ABLIM2: variants seen among roughly 807,000 people sequenced by gnomAD.
ABLIM2 encodes actin-binding LIM protein 2.
ABLIM2 carries 53 observed loss-of-function variants against 97.7 expected under a neutral mutation model. The ratio of observed to expected loss-of-function variants is 0.54; its 90% CI spans 0.44 to 0.68. ABLIM2 has a LOEUF of 0.68. ABLIM2 is among the 30% of genes least tolerant of loss of function. ABLIM2 has a pLI of 0.00. For missense variants in ABLIM2, 835 were observed against 867.2 expected, an observed-to-expected ratio of 0.96 and a Z score of 0.47; for synonymous variants, 361 against 345.8, an observed-to-expected ratio of 1.04 and a Z score of -0.49.
chr4:8,138,935 G>A (rs186058768), intron 1 of ABLIM2, among the ~76,000 whole-genome samples: 19 of 152,314 alleles, frequency 1.2e-4, no homozygotes, highest in Admixed American at 7.2e-4. Context: ...AGTGGCTCAC[G>A]CCTGTAATCC....
chr4:8,072,410 G>A lies in ABLIM2; in HGVS notation c.675+5218C>T, dbSNP rs1046527374. On this transcript the variant is annotated intron_variant, in intron 6 of 20. Coordinates refer to ENST00000447017, the MANE Select transcript of ABLIM2 (RefSeq NM_001130083.2). The surrounding 1 kb of genome is among the most constrained non-coding windows in gnomAD (Gnocchi z 5.8). ...CCCAGTTTGGGTGGGGTCTGCCCCC[G>A]ACCCCAGGCCAGGGCCTCTCTGGTG... 6.6e-5 allele frequency among the ~76,000 whole-genome samples: 10 copies of A among 152,192 alleles called. No individual in the cohort carries two copies. The highest frequency in any genetic ancestry group is 2.1e-4 in the South Asian group (1 of 4,834).
Position 8,091,593 on chromosome 4 carries a change from T to TA in ABLIM2, c.339-3310dup, listed in dbSNP as rs1480589331. 3.6e-4 allele frequency among the ~76,000 whole-genome samples: 14 copies of TA among 38,948 alleles called. 2 individuals carry two copies. In the East Asian group the frequency reaches 8.2e-3, roughly 23 times the overall value. 25.6% of individuals were successfully genotyped at this position (38,948 alleles called of 152,430 possible). On this transcript the variant is annotated intron_variant, in intron 3 of 20. Transcript: ENST00000447017. The stretch of plus-strand genomic sequence containing the variant: ...ATATAATTTTATATAAAATTATATA[T>TA]ATAATTATATATATTATGTATAATT...
chr4:8,051,168 C>A (rs548131085), intron 8 of ABLIM2, among the ~76,000 whole-genome samples: 2 of 152,250 alleles, frequency 1.3e-5, no homozygotes, highest in Admixed American at 6.5e-5. Flanking sequence ...AGCCACCCCC[C>A]ACCCCGCCCT....
At chr4:8,048,627 G>T (rs1432726494) in intron 8 of ABLIM2, among the ~76,000 whole-genome samples, 1 of 152,188 alleles carries the variant, frequency 6.6e-6, no homozygotes, top group Non-Finnish European at 1.5e-5. Flanking sequence ...CTCCCATTCA[G>T]CCGGAACGGC....
intron 16 of ABLIM2, among the ~76,000 whole-genome samples, chr4:7,997,913 C>G (rs1219168316): frequency 2.0e-5 from 3 of 150,800 alleles, no homozygotes; most frequent in Admixed American, 1.3e-4. Flanking sequence ...TGGAGTTTCA[C>G]TCTTGTTGCC....
Position 8,054,054 on chromosome 4 carries a change from C to A in ABLIM2, c.822+134G>T. The stretch of plus-strand genomic sequence containing the variant: ...TGTTTACCCTCCCCACCTCCTAAGC[C>A]TGGCTGCCCCCATCCTGCAGCCCGT... On this transcript the variant is annotated intron_variant, in intron 8 of 20. Transcript: ENST00000447017. This position sits in a 1 kb window ranked among gnomAD's most constrained non-coding sequence, Gnocchi z 4.9. The A allele has an allele frequency of 5.3e-6, 5 of 950,808 alleles. No individual in the cohort carries two copies. The highest frequency in any genetic ancestry group is 6.6e-6 in the Non-Finnish European group (4 of 602,306). 58.9% of individuals were successfully genotyped at this position (950,808 alleles called of 1,614,324 possible). A position where few individuals can be genotyped will look rare whatever the true frequency, so the allele number is the denominator to read the frequency against.
At chr4:8,009,275 AG>A (rs1186990242) in intron 14 of ABLIM2, among the ~76,000 whole-genome samples, 173 bp from the exon 15 acceptor site, 11 of 152,254 alleles carry the variant, frequency 7.2e-5, no homozygotes, top group African/African-American at 2.4e-4. Context: ...GGAGGTCCCC[AG>A]GGATCACGAC....
rs1230567518 is a variant in ABLIM2 at position 8,105,924 on chromosome 4, G to A, written c.154+570C>T. On this transcript the variant is annotated intron_variant, in intron 2 of 20. Coordinates refer to ENST00000447017, the MANE Select transcript of ABLIM2 (RefSeq NM_001130083.2). ...TCTCCGTTGGCCGGGCCCGGTTGGT[G>A]GGGCCTCACGTGATTTTTTTTTTGT... Among the ~76,000 whole-genome samples the A allele has an allele frequency of 2.0e-5, 3 of 151,848 alleles. No individual in the cohort carries two copies. In the East Asian group the frequency reaches 5.8e-4, roughly 29 times the overall value.
chr4:8,135,684 C>G (rs1363011965), intron 1 of ABLIM2, among the ~76,000 whole-genome samples: 4 of 152,200 alleles, frequency 2.6e-5, no homozygotes, highest in African/African-American at 9.6e-5. Flanking sequence ...CTGTGATATC[C>G]TGTGAGAGTG....
At chr4:7,990,632 T>A (rs1747944950) in intron 17 of ABLIM2, among the ~76,000 whole-genome samples, 1 of 151,886 alleles carries the variant, frequency 6.6e-6, no homozygotes, top group Non-Finnish European at 1.5e-5. Flanking sequence ...TTTCTGGAAG[T>A]AAAGGCAAAT....
At chr4:8,047,657 T>C (rs1335386963) in intron 8 of ABLIM2, among the ~76,000 whole-genome samples, 1 of 152,194 alleles carries the variant, frequency 6.6e-6, no homozygotes, top group Non-Finnish European at 1.5e-5. Flanking sequence ...GGTCGAATGT[T>C]TTACTGGCCA....
intron 3 of ABLIM2, among the ~76,000 whole-genome samples, chr4:8,093,051 G>A (rs907815525): frequency 1.8e-4 from 28 of 152,118 alleles, no homozygotes; most frequent in African/African-American, 3.4e-4. Flanking sequence ...GTTTCACCAC[G>A]TTGGCCAGGC....
In ABLIM2 at chr4:8,033,857, C is replaced by T. The variant is rs897820124; in HGVS notation, c.1047+2292G>A. Among the ~76,000 whole-genome samples, 8 of 152,214 alleles carry T rather than the reference C, an allele frequency of 5.3e-5. No individual in the cohort carries two copies. Among genetic ancestry groups the T allele is most frequent in the Non-Finnish European group, 1.2e-4 (8 of 68,032 alleles). On this transcript the variant is annotated intron_variant, in intron 10 of 20. Transcript: ENST00000447017. The surrounding 1 kb of genome is among the most constrained non-coding windows in gnomAD (Gnocchi z 4.5). Reference sequence around the variant, plus strand: ...CTGTGTCCTGGTCATACCATGAGACCCTGGAGCAGGACAGGGAGAGATACC... The same window carrying T: ...CTGTGTCCTGGTCATACCATGAGACTCTGGAGCAGGACAGGGAGAGATACC...
At position 7,996,474 on chromosome 4, in the gene ABLIM2, C is replaced by T. The variant is rs115791565; in HGVS notation, c.1619-3547G>A. On this transcript the variant is annotated intron_variant, in intron 16 of 20. Coordinates refer to ENST00000447017, the MANE Select transcript of ABLIM2 (RefSeq NM_001130083.2). This position sits in a 1 kb window ranked among gnomAD's most constrained non-coding sequence, Gnocchi z 4.5. Reference sequence around the variant, plus strand: ...CACATGCAGGTGGAAACCTTGCTTCCGCGAAGGCCATTTTATCCTCCCCAC... The same window carrying T: ...CACATGCAGGTGGAAACCTTGCTTCTGCGAAGGCCATTTTATCCTCCCCAC... Among the ~76,000 whole-genome samples the T allele has an allele frequency of 0.011, 1,746 of 152,322 alleles. 25 individuals carry two copies. The highest frequency in any genetic ancestry group is 0.04 in the African/African-American group (1,664 of 41,580).
In ABLIM2 at chr4:8,098,518, G is replaced by A. The variant is rs116065353; in HGVS notation, c.155-1236C>T. 4.0e-3 allele frequency among the ~76,000 whole-genome samples: 607 copies of A among 152,302 alleles called. 4 individuals are homozygous for A. Among genetic ancestry groups the A allele is most frequent in the African/African-American group, 0.012 (484 of 41,566 alleles). On this transcript the variant is annotated intron_variant, in intron 2 of 20. Coordinates refer to ENST00000447017, the MANE Select transcript of ABLIM2 (RefSeq NM_001130083.2). ...ACAGAGCTCTGGGAACAAACTGGCT[G>A]GAAGCACCAGAGTGGCTGGAACGCC...
intron 2 of ABLIM2, 144 bp downstream of exon 2, chr4:8,106,350 A>C (rs1327744763): frequency 9.3e-6 from 11 of 1,179,238 alleles, no homozygotes; most frequent in Non-Finnish European, 1.3e-5. Context: ...AAAAGATCCC[A>C]CTCTCCTCTG....
At chr4:8,101,071 G>A (rs1413544443) in intron 2 of ABLIM2, among the ~76,000 whole-genome samples, 1 of 152,234 alleles carries the variant, frequency 6.6e-6, no homozygotes, top group Non-Finnish European at 1.5e-5. Flanking sequence ...CCAAGGTGCT[G>A]TCCACCCGCT....
rs112953530 is a variant in ABLIM2 at position 8,130,616 on chromosome 4, C to T, written c.11-23979G>A. On this transcript the variant is annotated intron_variant, in intron 1 of 20. Transcript: ENST00000447017. The surrounding 1 kb of genome is among the most constrained non-coding windows in gnomAD (Gnocchi z 4.2). ...TGGCCCGAGTCCAGGGTGTGCTTGA[C>T]GGCACCCAGGGGAGCACAGGGTGAT... Among the ~76,000 whole-genome samples, 10 of 151,844 alleles carry T rather than the reference C, an allele frequency of 6.6e-5. No individual in the cohort carries two copies. Among genetic ancestry groups the T allele is most frequent in the African/African-American group, 2.2e-4 (9 of 41,240 alleles).
rs1820901751 is a variant in ABLIM2, at chr4:8,082,997, G to A, written c.455-2195C>T. ...CAAGAGACATTTGGCAATGTCTGGC[G>A]ACCCTTTTGATTGTCATAACTTGGA... On this transcript the variant is annotated intron_variant, in intron 4 of 20. Transcript: ENST00000447017. The surrounding 1 kb of genome is among the most constrained non-coding windows in gnomAD (Gnocchi z 5.6). Among the ~76,000 whole-genome samples, 7 of 152,144 alleles carry A rather than the reference G, an allele frequency of 4.6e-5. No individual in the cohort carries two copies. Among genetic ancestry groups the A allele is most frequent in the Admixed American group, 3.9e-4 (6 of 15,270 alleles).
Sources: allele counts gnomAD v4.1 joint callset (sites outside exome capture counted in the v4.1 genomes callset), GRCh38; gene constraint gnomAD v4.1.1; non-coding constraint Gnocchi (gnomAD v3.1); transcripts MANE v1.5; gene names NCBI Gene and HGNC (gene_info 2026-07-23, HGNC 2026-07-21).